The following YIPF4 variants were observed in gnomAD, a reference collection of about 807,000 sequenced individuals.
YIPF4 encodes protein YIPF4.
Under a neutral mutation model 29.4 loss-of-function variants are expected in YIPF4, and 18 were observed. That is an observed-to-expected ratio of 0.61 (90% CI 0.42 to 0.91). YIPF4 has a LOEUF of 0.91. Among genes scored for constraint, YIPF4 ranks in the 40% least tolerant of loss-of-function variants. The probability of loss-of-function intolerance (pLI) is 0.00; values close to 1 mark genes in which losing one functional copy is unlikely to be tolerated. For synonymous variants in YIPF4, 115 were observed against 104.7 expected, an observed-to-expected ratio of 1.10 and a Z score of -0.60; for missense variants, 279 against 282.7, an observed-to-expected ratio of 0.99 and a Z score of 0.09.
intron 3 of YIPF4, among the ~76,000 whole-genome samples, chr2:32,297,975 T>G (rs539754475): frequency 1.7e-4 from 26 of 152,130 alleles, no homozygotes; most frequent in Admixed American, 1.5e-3. Context: ...TTTTTTGCAA[T>G]AATCTTTTAT....
chr2:32,310,111 G>A lies in YIPF4; in HGVS notation c.*4485G>A, dbSNP rs2031687499. 6.6e-6 allele frequency: 1 copy of A among 152,156 alleles called. No individual in the cohort carries two copies. Among genetic ancestry groups the A allele is most frequent in the African/African-American group, 2.4e-5 (1 of 41,444 alleles). The allele number at this position is 152,156 out of a possible 1,614,324, so 9.4% of individuals were successfully genotyped here. A position where few individuals can be genotyped will look rare whatever the true frequency, so the allele number is the denominator to read the frequency against. ...TACCCAATTCTCTGCACTGACATAT[G>A]TACACAAAGTAATATTTTATTATTC... On this transcript the variant is annotated 3_prime_UTR_variant, in exon 6 of 6. Transcript: ENST00000238831.
At chr2:32,293,725 C>T (rs1042705261) in intron 3 of YIPF4, among the ~76,000 whole-genome samples, 1 of 151,008 alleles carries the variant, frequency 6.6e-6, no homozygotes, top group African/African-American at 2.4e-5. Context: ...GGGGGCTGAC[C>T]CCCCAACCTC....
At chr2:32,294,113 G>A (rs553885441) in intron 3 of YIPF4, among the ~76,000 whole-genome samples, 39 of 151,026 alleles carry the variant, frequency 2.6e-4, no homozygotes, top group Middle Eastern at 3.4e-3. Context: ...CTGGCCAGGC[G>A]GGACGCTGAC....
rs760869235 is a variant in YIPF4 at position 32,301,539 on chromosome 2, G to A, written c.597+44G>A. 3 of 1,367,872 alleles carry A rather than the reference G, an allele frequency of 2.2e-6. No homozygotes were observed. In the African/African-American group the frequency reaches 4.3e-5, roughly 20 times the overall value. 84.7% of individuals were successfully genotyped at this position (1,367,872 alleles called of 1,614,324 possible). On this transcript the variant is annotated intron_variant, in intron 5 of 5. Transcript: ENST00000238831. ...ATTACATAGTTTACTGTTTTCCAAT[G>A]TCAAAAGTATACTAGGCCTCTAGCT...
chr2:32,284,432 T>A (rs2148958463), intron 1 of YIPF4, among the ~76,000 whole-genome samples: 1 of 152,244 alleles, frequency 6.6e-6, no homozygotes, highest in Admixed American at 6.5e-5. Flanking sequence ...GGTGACTGGA[T>A]CATGGGGGTG....
Position 32,305,613 on chromosome 2 carries a change from A to G in YIPF4, c.722A>G (p.Tyr241Cys). The G allele has an allele frequency of 1.9e-6, 3 of 1,599,524 alleles. No individual in the cohort carries two copies. The highest frequency in any genetic ancestry group is 2.6e-6 in the Non-Finnish European group (3 of 1,174,414). ...FLLYIYFLSL[Y>C]TGV Reference sequence around the variant, plus strand: ...TTATACATTTATTTTTTGTCGTTATATACTGGTGTGTGATCCAAGTTATAC... The same window carrying G: ...TTATACATTTATTTTTTGTCGTTATGTACTGGTGTGTGATCCAAGTTATAC... The change falls in exon 6 of 6, where the codon TAT (tyrosine) becomes TGT (cysteine). Residue 241 changes from tyrosine to cysteine, a missense_variant. Transcript: ENST00000238831.
intron 3 of YIPF4, among the ~76,000 whole-genome samples, chr2:32,294,349 A>T (rs1485629100): frequency 6.8e-6 from 1 of 147,804 alleles, no homozygotes; most frequent in Non-Finnish European, 1.5e-5. Flanking sequence ...CACTTCTCAG[A>T]CAGGGCGGCT....
intron 1 of YIPF4, among the ~76,000 whole-genome samples, chr2:32,286,316 C>G (rs1251599401): frequency 6.6e-6 from 1 of 152,126 alleles, no homozygotes; most frequent in Non-Finnish European, 1.5e-5. Flanking sequence ...TAAGACCTCT[C>G]TTTTCCATTT....
Position 32,314,155 on chromosome 2 carries a change from G to A in YIPF4, c.*8529G>A, listed in dbSNP as rs1292822291. 1.3e-5 allele frequency: 2 copies of A among 152,176 alleles called. No homozygotes were observed. The highest frequency in any genetic ancestry group is 2.9e-5 in the Non-Finnish European group (2 of 68,036). The allele number at this position is 152,176 out of a possible 1,614,324, so 9.4% of individuals were successfully genotyped here. ...AAACGGGAACATGTCCATCAACACA[G>A]AATAGACAAGTTGGTATAATTACAC... On this transcript the variant is annotated 3_prime_UTR_variant, in exon 6 of 6. Transcript: ENST00000238831.
intron 1 of YIPF4, among the ~76,000 whole-genome samples, chr2:32,288,497 ATCT>A (rs939923319): frequency 1.1e-4 from 16 of 152,206 alleles, no homozygotes; most frequent in African/African-American, 2.2e-4. Flanking sequence ...CTGGATGTAA[ATCT>A]TCTTCTTGTT....
At chr2:32,279,072 A>T (rs2030253595) in intron 1 of YIPF4, among the ~76,000 whole-genome samples, 1 of 149,900 alleles carries the variant, frequency 6.7e-6, no homozygotes, top group Admixed American at 6.7e-5. Context: ...GGTTCACGCC[A>T]TTCTCCTGCC....
At chr2:32,303,304 G>A (rs1030066753) in intron 5 of YIPF4, among the ~76,000 whole-genome samples, 12 of 152,202 alleles carry the variant, frequency 7.9e-5, no homozygotes, top group African/African-American at 2.7e-4. Context: ...TGGCTGTAGT[G>A]AGCCATGATT....
rs6759133 is a variant in YIPF4, at chr2:32,300,428, C to T, written c.484-954C>T. On this transcript the variant is annotated intron_variant, in intron 4 of 5. Transcript: ENST00000238831. ...CAGTGTGGGCGACAGAGGAGGACTC[C>T]GTCTTTAAAAAAAAAAAAAAAAAAA... Among the ~76,000 whole-genome samples the T allele has an allele frequency of 3.5e-3, 511 of 146,822 alleles. 1 individual carries two copies. The highest frequency in any genetic ancestry group is 0.012 in the African/African-American group (485 of 39,930).
At position 32,292,238 on chromosome 2, in the gene YIPF4, A is replaced by G. The variant is rs765953842; in HGVS notation, c.295A>G (p.Met99Val). Reference sequence around the variant, plus strand: ...CAAAATCCGATGTGTTTTGATGCCAATGCCATCACTTGGTTTTAATAGACA... The same window carrying G: ...CAAAATCCGATGTGTTTTGATGCCAGTGCCATCACTTGGTTTTAATAGACA... The part of the protein sequence containing the change: ...YYKIRCVLMP[M>V]PSLGFNRQVV... Residue 99 changes from methionine to valine, a missense_variant, in exon 3 of 6, where the codon ATG becomes GTG. Coordinates refer to ENST00000238831, the MANE Select transcript of YIPF4 (RefSeq NM_032312.4). 48 of 1,603,228 alleles carry G rather than the reference A, an allele frequency of 3.0e-5. No individual in the cohort carries two copies. Among genetic ancestry groups the G allele is most frequent in the Admixed American group, 1.9e-4 (11 of 59,144 alleles).
Position 32,294,960 on chromosome 2 carries a change from G to A in YIPF4, c.405+2612G>A, listed in dbSNP as rs375300498. Among the ~76,000 whole-genome samples, 29 of 152,156 alleles carry A rather than the reference G, an allele frequency of 1.9e-4. No individual in the cohort carries two copies. The East Asian group carries it at 5.4e-3, about 28-fold the overall frequency. On this transcript the variant is annotated intron_variant, in intron 3 of 5. Transcript: ENST00000238831. ...CGTGCGCCTGCAATGGCAGGCACTCGGCAGGCTGAGGCAGGAGAATCAGGC... is the reference window on the plus strand; with the variant it reads ...CGTGCGCCTGCAATGGCAGGCACTCAGCAGGCTGAGGCAGGAGAATCAGGC...
chr2:32,305,978 T>G lies in YIPF4; in HGVS notation c.*352T>G. ...CTTAAAGGGTAAATTTGACAATATC[T>G]TGATAATCAAAAGTGCAATTTTTTT... On this transcript the variant is annotated 3_prime_UTR_variant, in exon 6 of 6. Transcript: ENST00000238831. 1.0e-6 allele frequency: 1 copy of G among 988,128 alleles called. No individual in the cohort carries two copies. The highest frequency in any genetic ancestry group is 1.2e-6 in the Non-Finnish European group (1 of 831,644). 61.2% of individuals were successfully genotyped at this position (988,128 alleles called of 1,614,324 possible).
At position 32,307,087 on chromosome 2, in the gene YIPF4, G is replaced by A; in HGVS notation, c.*1461G>A. The A allele has an allele frequency of 7.8e-7, 1 of 1,288,904 alleles. No individual in the cohort carries two copies. The highest frequency in any genetic ancestry group is 1.0e-6 in the Non-Finnish European group (1 of 983,436). 79.8% of individuals were successfully genotyped at this position (1,288,904 alleles called of 1,614,324 possible). On this transcript the variant is annotated 3_prime_UTR_variant, in exon 6 of 6. Coordinates refer to ENST00000238831, the MANE Select transcript of YIPF4 (RefSeq NM_032312.4). ...AATAATGTAGAAAATTACATGTACT[G>A]ATTTTTTTAAAAACAGGTGAGAAGC...
intron 1 of YIPF4, among the ~76,000 whole-genome samples, chr2:32,281,675 C>G (rs138333723): frequency 6.9e-4 from 105 of 152,044 alleles, no homozygotes; most frequent in Non-Finnish European, 9.9e-4. Flanking sequence ...TTGGCTTAAG[C>G]TCGAGAGTTT....
chr2:32,290,534 AT>A lies in YIPF4; in HGVS notation c.135del (p.Phe45LeufsTer11). ...GATGTCAAATTAAATCTTGGTGGAG[AT>A]TTTATCAAAGAATCTACAGCTACTA... ...SPDVKLNLGG[D>X]FIKESTATTF... On this transcript the variant is annotated frameshift_variant, in exon 2 of 6. Coordinates refer to ENST00000238831, the MANE Select transcript of YIPF4 (RefSeq NM_032312.4). LOFTEE classifies it high-confidence loss of function. The A allele has an allele frequency of 6.3e-7, 1 of 1,579,568 alleles. No homozygotes were observed. The highest frequency in any genetic ancestry group is 1.2e-5 in the South Asian group (1 of 85,650).
Sources: gnomAD v4.1 joint callset for allele counts (sites outside exome capture counted in the v4.1 genomes callset) on GRCh38, gnomAD v4.1.1 for gene constraint, MANE v1.5 for transcripts, NCBI Gene and HGNC (gene_info 2026-07-23, HGNC 2026-07-21) for gene names.